Variants in TTC39C observed in about 807,000 individuals in gnomAD.
TTC39C encodes tetratricopeptide repeat protein 39C.
Under a neutral mutation model 76.3 loss-of-function variants are expected in TTC39C, and 33 were observed. That is an observed-to-expected ratio of 0.43 (90% CI 0.33 to 0.58). The LOEUF (loss-of-function observed/expected upper bound fraction) is 0.58. Among genes scored for constraint, TTC39C ranks in the 20% least tolerant of loss-of-function variants. The pLI is 0.04. For synonymous variants in TTC39C, 254 were observed against 260.6 expected (o/e 0.97, Z 0.24); for missense variants, 595 against 701.4 (o/e 0.85, Z 1.71).
chr18:23,995,288 C>T (rs1377719027), intron 1 of TTC39C, among the ~76,000 whole-genome samples: 5 of 152,034 alleles, frequency 3.3e-5, no homozygotes, highest in African/African-American at 4.8e-5. Context: ...GCTAGCATGT[C>T]GAAACCCCAT....
intron 1 of TTC39C, among the ~76,000 whole-genome samples, chr18:24,060,119 C>G (rs1283769252): frequency 1.3e-5 from 2 of 152,124 alleles, no homozygotes; most frequent in African/African-American, 4.8e-5. Flanking sequence ...AATAGTATTT[C>G]TGCCTCTAGG....
intron 1 of TTC39C, among the ~76,000 whole-genome samples, chr18:24,018,031 A>G (rs2083474900): frequency 6.6e-6 from 1 of 152,232 alleles, no homozygotes; most frequent in African/African-American, 2.4e-5. Context: ...GCAAGTCTGG[A>G]TTGTATAATT....
In TTC39C at chr18:24,024,010, A is replaced by ATTTTTT. The variant is rs1568409146; in HGVS notation, c.167+8973_167+8974insTTTTTT. On this transcript the variant is annotated intron_variant, in intron 1 of 13. Transcript: ENST00000317571. ...TATATATATATATATATATATATAT[A>ATTTTTT]TATATATTTTTTTTTTTTTTTGAGA... 4.0e-3 allele frequency among the ~76,000 whole-genome samples: 26 copies of ATTTTTT among 6,532 alleles called. 3 individuals are homozygous for ATTTTTT. Among genetic ancestry groups the ATTTTTT allele is most frequent in the Admixed American group, 0.012 (4 of 324 alleles). The allele number at this position is 6,532 out of a possible 152,430, so 4.3% of individuals were successfully genotyped here.
At chr18:24,056,532 T>C (rs1297978625) in intron 1 of TTC39C, among the ~76,000 whole-genome samples, 2 of 151,854 alleles carry the variant, frequency 1.3e-5, no homozygotes, top group Non-Finnish European at 2.9e-5. Flanking sequence ...GTGAGAAATG[T>C]TCCTTTGAGA....
At chr18:24,092,617 AAGTC>A (rs1243801185) in intron 6 of TTC39C, among the ~76,000 whole-genome samples, 3 of 152,248 alleles carry the variant, frequency 2.0e-5, no homozygotes, top group Admixed American at 1.3e-4. Context: ...TATGTGTAAA[AAGTC>A]AGTCACAAAG....
Position 24,059,275 on chromosome 18 carries a change from G to A in TTC39C, c.168-4865G>A, listed in dbSNP as rs370172898. Among the ~76,000 whole-genome samples, 13 of 152,226 alleles carry A rather than the reference G, an allele frequency of 8.5e-5. 1 individual carries two copies. Among genetic ancestry groups the A allele is most frequent in the African/African-American group, 2.9e-4 (12 of 41,542 alleles). On this transcript the variant is annotated intron_variant, in intron 1 of 13. Coordinates refer to ENST00000317571, the MANE Select transcript of TTC39C (RefSeq NM_001135993.2). ...AGTTTTGTTACATAGAAAAACTTGT[G>A]TCATGGAGATTTGTTGTACAGATTA...
At chr18:24,087,980 A>C (rs1286895090) in intron 6 of TTC39C, among the ~76,000 whole-genome samples, 1 of 152,228 alleles carries the variant, frequency 6.6e-6, no homozygotes, top group African/African-American at 2.4e-5. Flanking sequence ...AGCTACTGGT[A>C]GAAAAATCTA....
rs192970566 is a variant in TTC39C, at chr18:24,044,835, A to G, written c.168-19305A>G. Among the ~76,000 whole-genome samples the G allele has an allele frequency of 3.5e-3, 537 of 152,322 alleles. 2 individuals carry two copies. Among genetic ancestry groups the G allele is most frequent in the Non-Finnish European group, 4.2e-3 (283 of 68,028 alleles). Reference sequence around the variant, plus strand: ...GGAAAGATTTATGTCATTTTAGTTCACACAACTCTGTCTGCCAGCATCATT... The same window carrying G: ...GGAAAGATTTATGTCATTTTAGTTCGCACAACTCTGTCTGCCAGCATCATT... On this transcript the variant is annotated intron_variant, in intron 1 of 13. Transcript: ENST00000317571.
At chr18:24,019,936 C>T in intron 1 of TTC39C, 1 of 1,517,976 alleles carries the variant, frequency 6.6e-7, no homozygotes, top group Non-Finnish European at 8.8e-7. Flanking sequence ...GATGTTGAGT[C>T]AGCAGGCCTC....
upstream of TTC39C, among the ~76,000 whole-genome samples, chr18:24,014,210 G>C (rs986967829): frequency 7.2e-5 from 11 of 152,020 alleles, no homozygotes; most frequent in African/African-American, 1.9e-4. Context: ...TGGGGTCGCG[G>C]GCGCGGGCTG....
chr18:24,020,171 C>T, intron 1 of TTC39C: 1 of 1,181,878 alleles, frequency 8.5e-7, no homozygotes, highest in Middle Eastern at 3.4e-4. Context: ...ACAGGAAACT[C>T]ATCTGTTGAC....
intron 1 of TTC39C, among the ~76,000 whole-genome samples, chr18:24,048,604 CT>C (rs995610916): frequency 1.1e-4 from 16 of 151,730 alleles, no homozygotes; most frequent in Admixed American, 2.6e-4. Flanking sequence ...AAACATGTAA[CT>C]TTTTTTTTCC....
chr18:24,004,267 A>G (rs1420151078), intron 1 of TTC39C, among the ~76,000 whole-genome samples: 1 of 152,158 alleles, frequency 6.6e-6, no homozygotes, highest in East Asian at 1.9e-4. Flanking sequence ...GCATCTAAGC[A>G]TCCAGTTCCC....
rs1240933177 is a variant in TTC39C at position 24,132,493 on chromosome 18, C to A, written c.1671C>A (p.Phe557Leu). The A allele has an allele frequency of 1.2e-6, 2 of 1,613,868 alleles. No individual in the cohort carries two copies. The highest frequency in any genetic ancestry group is 1.7e-6 in the Non-Finnish European group (2 of 1,179,940). The change falls in exon 14 of 14, where the codon TTC (phenylalanine) becomes TTA (leucine). Residue 557 changes from phenylalanine to leucine, a missense_variant. By Grantham distance (22) the Phe-to-Leu change is conservative. Coordinates refer to ENST00000317571, the MANE Select transcript of TTC39C (RefSeq NM_001135993.2). ...RALLLQAKED[F>L]SGYDFENRLH... ...TTTCTTTGATCTTACAGGAGGATTT[C>A]TCTGGCTACGACTTTGAAAACAGAT...
chr18:24,126,672 C>G (rs566448133), intron 10 of TTC39C, among the ~76,000 whole-genome samples: 1 of 149,498 alleles, frequency 6.7e-6, no homozygotes, highest in East Asian at 2.0e-4. Context: ...TTTTTAGAGA[C>G]AAGTCTCATT....
At chr18:24,079,812 T>TG (rs2084355226) in intron 4 of TTC39C, among the ~76,000 whole-genome samples, 1 of 151,212 alleles carries the variant, frequency 6.6e-6, no homozygotes, top group South Asian at 2.1e-4. Context: ...CTTTCTTTTT[T>TG]TTTTTTTGAG....
intron 6 of TTC39C, among the ~76,000 whole-genome samples, chr18:24,086,869 C>T (rs1018939287): frequency 1.3e-5 from 2 of 151,784 alleles, no homozygotes; most frequent in Non-Finnish European, 2.9e-5. Context: ...TTTATTATTC[C>T]TACTGAGTGC....
intron 6 of TTC39C, among the ~76,000 whole-genome samples, chr18:24,112,214 C>G (rs2084823798): frequency 6.6e-6 from 1 of 152,212 alleles, no homozygotes; most frequent in Non-Finnish European, 1.5e-5. Context: ...GTCCTCTTCT[C>G]TCCTATGTGT....
At chr18:24,125,933 A>T (rs1437421017) in intron 10 of TTC39C, among the ~76,000 whole-genome samples, 1 of 152,226 alleles carries the variant, frequency 6.6e-6, no homozygotes, top group African/African-American at 2.4e-5. Context: ...CACCCCTGTA[A>T]TCCCAGCACT....
Sources: gnomAD v4.1 joint callset for allele counts (sites outside exome capture counted in the v4.1 genomes callset) on GRCh38, gnomAD v4.1.1 for gene constraint, MANE v1.5 for transcripts, NCBI Gene and HGNC (gene_info 2026-07-23, HGNC 2026-07-21) for gene names.